Variants in PPP1R16A observed in about 807,000 individuals in gnomAD.
PPP1R16A encodes protein phosphatase 1 regulatory subunit 16A.
In PPP1R16A, 39 loss-of-function variants were observed where a neutral mutation model predicts 46.6. The observed-to-expected ratio is 0.84, with a 90% CI of 0.65 to 1.09. The LOEUF is 1.09. Ranked by LOEUF, PPP1R16A falls within the 50% of genes least tolerant of loss-of-function variation. The pLI is 0.00. For synonymous variants in PPP1R16A, 413 were observed against 321.5 expected, an observed-to-expected ratio of 1.28 and a Z score of -3.04; for missense variants, 798 against 735.6, an observed-to-expected ratio of 1.08 and a Z score of -0.98.
chr8:144,500,660 C>G (rs766188121), intron 8 of PPP1R16A, 26 bp from the exon 9 acceptor site: 5 of 1,607,592 alleles, frequency 3.1e-6, no homozygotes, highest in Non-Finnish European at 4.2e-6. Flanking sequence ...GCGCAGCAGT[C>G]TGCAGCTCCG....
rs1366769491 is a variant in PPP1R16A at position 144,500,470 on chromosome 8, C to G, written c.706-17C>G. The G allele has an allele frequency of 4.5e-6, 7 of 1,564,310 alleles. No individual in the cohort carries two copies. The highest frequency in any genetic ancestry group is 5.2e-6 in the Non-Finnish European group (6 of 1,163,670). Reference sequence around the variant, plus strand: ...GTGGGGGATGGGGCCGAATTCAGGCCGGGCGCTTGCCTGCAGCTGCACGTC... The same window carrying G: ...GTGGGGGATGGGGCCGAATTCAGGCGGGGCGCTTGCCTGCAGCTGCACGTC... On this transcript the variant is annotated splice_polypyrimidine_tract_variant and intron_variant, in intron 7 of 11. Transcript: ENST00000435887.
chr8:144,482,188 T>C (rs1249794325), intron 1 of PPP1R16A, among the ~76,000 whole-genome samples: 1 of 151,904 alleles, frequency 6.6e-6, no homozygotes, highest in Non-Finnish European at 1.5e-5. Flanking sequence ...TTCTTCTGCC[T>C]CAGCCTCCCA....
intron 1 of PPP1R16A, among the ~76,000 whole-genome samples, chr8:144,481,141 C>T (rs1004832869): frequency 1.3e-5 from 2 of 150,220 alleles, no homozygotes; most frequent in Non-Finnish European, 3.0e-5. Context: ...CCGCCCGCCT[C>T]GGCCTCCCAA....
chr8:144,489,668 G>A (rs986087186), intron 1 of PPP1R16A, among the ~76,000 whole-genome samples: 3 of 152,146 alleles, frequency 2.0e-5, no homozygotes, highest in Non-Finnish European at 2.9e-5. Flanking sequence ...GCTGACCTCA[G>A]TAGACGTGGT....
intron 1 of PPP1R16A, among the ~76,000 whole-genome samples, chr8:144,487,330 C>T (rs1586741616): frequency 1.3e-5 from 2 of 152,046 alleles, no homozygotes. Flanking sequence ...TCATAAATTG[C>T]ATGTCTACAC....
chr8:144,494,438 G>T (rs1390871381), intron 2 of PPP1R16A, among the ~76,000 whole-genome samples: 1 of 151,872 alleles, frequency 6.6e-6, no homozygotes, highest in Admixed American at 6.6e-5. Flanking sequence ...TCAGCCTCCC[G>T]AGGAGGTGGG....
At chr8:144,481,391 C>G (rs1825417887) in intron 1 of PPP1R16A, among the ~76,000 whole-genome samples, 1 of 151,780 alleles carries the variant, frequency 6.6e-6, no homozygotes, top group South Asian at 2.1e-4. Context: ...GCCTGTAATC[C>G]CAGCACTTTG....
chr8:144,500,247 C>G lies in PPP1R16A; in HGVS notation c.581-20C>G, dbSNP rs1826347087. On this transcript the variant is annotated intron_variant, in intron 6 of 11. Transcript: ENST00000435887. ...GGGAGGGCTGCCGGTCGCGCTCCCT[C>G]TGAGCCTGCCGCCTCGCAGGCATCA... is the stretch of plus-strand genomic sequence containing the variant. The G allele has an allele frequency of 1.3e-6, 2 of 1,569,484 alleles. No homozygotes were observed. The highest frequency in any genetic ancestry group is 1.7e-6 in the Non-Finnish European group (2 of 1,158,566).
intron 3 of PPP1R16A, chr8:144,497,657 C>G (rs1484957071): frequency 1.6e-5 from 12 of 735,852 alleles, no homozygotes; most frequent in Non-Finnish European, 2.9e-5. Flanking sequence ...CTGAGGTGAG[C>G]CTGTGCGGGA....
intron 1 of PPP1R16A, chr8:144,478,797 G>C (rs1463786820): frequency 3.3e-5 from 5 of 152,300 alleles, no homozygotes; most frequent in Non-Finnish European, 7.3e-5. Flanking sequence ...CAAGCACCCC[G>C]CCTGGGAGGG....
intron 10 of PPP1R16A, 70 bp downstream of exon 10, chr8:144,501,041 A>C (rs1826418206): frequency 1.3e-6 from 2 of 1,519,324 alleles, no homozygotes; most frequent in Non-Finnish European, 1.8e-6. Flanking sequence ...GCGGAGTGCC[A>C]GCCGAACTGG....
intron 3 of PPP1R16A, 57 bp from the exon 4 acceptor site, chr8:144,498,713 G>A (rs1826232013): frequency 6.6e-7 from 1 of 1,508,718 alleles, no homozygotes; most frequent in African/African-American, 1.4e-5. Flanking sequence ...CCGAAGCACA[G>A]TTGACAGGAC....
At chr8:144,480,171 C>A (rs1210649390) in intron 1 of PPP1R16A, among the ~76,000 whole-genome samples, 1 of 152,192 alleles carries the variant, frequency 6.6e-6, no homozygotes, top group African/African-American at 2.4e-5. Flanking sequence ...GAAGAACTTT[C>A]CAGACAGAAG....
intron 11 of PPP1R16A, 42 bp from the exon 12 acceptor site, chr8:144,501,478 G>A (rs1271538497): frequency 2.0e-6 from 3 of 1,493,156 alleles, no homozygotes; most frequent in Non-Finnish European, 2.7e-6. Flanking sequence ...CAGGGAGGGG[G>A]GAGGAGCCTC....
rs370600477 is a variant in PPP1R16A, at chr8:144,498,721, G to A, written c.260-49G>A. 1.3e-4 allele frequency: 200 copies of A among 1,525,364 alleles called. 1 individual carries two copies. Among genetic ancestry groups the A allele is most frequent in the South Asian group, 2.9e-4 (23 of 78,308 alleles). The allele number at this position is 1,525,364 out of a possible 1,614,324, so 94.5% of individuals were successfully genotyped here. ...TCCTGGGCCGAAGCACAGTTGACAGGACCTGACCAGGGGCAGGACCCTGTC... is the reference window on the plus strand; with the variant it reads ...TCCTGGGCCGAAGCACAGTTGACAGAACCTGACCAGGGGCAGGACCCTGTC... On this transcript the variant is annotated intron_variant, in intron 3 of 11. Coordinates refer to ENST00000435887, the MANE Select transcript of PPP1R16A (RefSeq NM_001329443.2).
At chr8:144,479,956 C>A (rs758469696) in intron 1 of PPP1R16A, among the ~76,000 whole-genome samples, 7 of 152,224 alleles carry the variant, frequency 4.6e-5, no homozygotes, top group Non-Finnish European at 8.8e-5. Context: ...CAGCTCACTG[C>A]ACTTACTGAG....
chr8:144,479,638 C>T (rs1221807211), intron 1 of PPP1R16A, among the ~76,000 whole-genome samples: 1 of 152,208 alleles, frequency 6.6e-6, no homozygotes, highest in Non-Finnish European at 1.5e-5. Flanking sequence ...CAGCTCTCCA[C>T]TGCATGCAGC....
chr8:144,479,692 C>G (rs879762722), intron 1 of PPP1R16A, among the ~76,000 whole-genome samples: 2 of 152,192 alleles, frequency 1.3e-5, no homozygotes, highest in Non-Finnish European at 2.9e-5. Flanking sequence ...TACCAGCACC[C>G]CCAGCTCCAC....
At chr8:144,501,368 C>A (rs1221884006) in intron 11 of PPP1R16A, 74 bp downstream of exon 11, 16 of 1,500,324 alleles carry the variant, frequency 1.1e-5, no homozygotes, top group East Asian at 9.8e-5. Flanking sequence ...TCCGCTTGGA[C>A]CCCCTCCTGC....
Sources: allele counts gnomAD v4.1 joint callset (sites outside exome capture counted in the v4.1 genomes callset), GRCh38; gene constraint gnomAD v4.1.1; transcripts MANE v1.5; gene names NCBI Gene and HGNC (gene_info 2026-07-23, HGNC 2026-07-21).